The following NINL variants were observed in gnomAD, a reference collection of about 807,000 sequenced individuals.
NINL encodes the protein ninein like, also known as ninein-like protein.
In NINL, 153 loss-of-function variants were observed where a neutral mutation model predicts 160.3. The ratio of observed to expected loss-of-function variants is 0.95; its 90% CI spans 0.84 to 1.09. The LOEUF (loss-of-function observed/expected upper bound fraction) is 1.09, where lower values mean the gene tolerates loss of function less well. NINL is among the 50% of genes least tolerant of loss of function. NINL has a pLI of 0.00. For missense variants in NINL, 1,829 were observed against 1,764.0 expected, an observed-to-expected ratio of 1.04 and a Z score of -0.66; for synonymous variants, 800 against 734.8, an observed-to-expected ratio of 1.09 and a Z score of -1.43.
At chr20:25,533,284 C>T (rs921424046) in intron 1 of NINL, among the ~76,000 whole-genome samples, 1 of 151,968 alleles carries the variant, frequency 6.6e-6, no homozygotes, top group African/African-American at 2.4e-5. Flanking sequence ...GGGCTGAGCC[C>T]AAAACACACA....
intron 1 of NINL, among the ~76,000 whole-genome samples, chr20:25,545,743 A>T (rs59444992): frequency 0.021 from 3,227 of 152,302 alleles, 103 homozygotes; most frequent in African/African-American, 0.073. Context: ...GTACTTTACT[A>T]CAAACTATAT....
At chr20:25,477,926 CTTTT>C (rs34667640) in intron 16 of NINL, among the ~76,000 whole-genome samples, 2 of 143,158 alleles carry the variant, frequency 1.4e-5, no homozygotes, top group African/African-American at 5.2e-5. Context: ...GGACAGACGA[CTTTT>C]TTTTTTTTTT....
At chr20:25,502,869 G>A (rs2063895014) in intron 7 of NINL, among the ~76,000 whole-genome samples, 1 of 152,178 alleles carries the variant, frequency 6.6e-6, no homozygotes, top group African/African-American at 2.4e-5. Flanking sequence ...CATGCTTCCT[G>A]CACAGCCTGC....
intron 1 of NINL, among the ~76,000 whole-genome samples, chr20:25,545,925 C>T (rs1355078319): frequency 1.3e-5 from 2 of 152,108 alleles, no homozygotes; most frequent in African/African-American, 2.4e-5. Context: ...TCTGGAGGCT[C>T]CCTAAGTATA....
chr20:25,475,299 G>A (rs1305217209), intron 17 of NINL, among the ~76,000 whole-genome samples: 2 of 151,690 alleles, frequency 1.3e-5, no homozygotes. Context: ...AAGCCCAGGA[G>A]CTGATGGCTT....
intron 1 of NINL, among the ~76,000 whole-genome samples, chr20:25,528,822 AAAC>A (rs2064401538): frequency 6.6e-6 from 1 of 152,228 alleles, no homozygotes; most frequent in African/African-American, 2.4e-5. Context: ...AAATATAAGG[AAAC>A]AACAACATGA....
chr20:25,493,056 C>T (rs1229279360), intron 10 of NINL, among the ~76,000 whole-genome samples: 2 of 152,178 alleles, frequency 1.3e-5, no homozygotes, highest in East Asian at 3.8e-4. Flanking sequence ...ATCCCTCCAC[C>T]AGGTTCCAGG....
chr20:25,584,814 A>G (rs576496373), intron 1 of NINL, among the ~76,000 whole-genome samples: 1 of 152,344 alleles, frequency 6.6e-6, no homozygotes, highest in Admixed American at 6.5e-5. Flanking sequence ...ATCGATGATT[A>G]TGAACCCAAC....
intron 1 of NINL, among the ~76,000 whole-genome samples, chr20:25,541,832 C>T: frequency 6.6e-6 from 1 of 152,298 alleles, no homozygotes; most frequent in East Asian, 1.9e-4. Context: ...GCAGCTACCA[C>T]TGTAATAGCT....
chr20:25,565,600 G>A (rs1568969914), intron 1 of NINL, among the ~76,000 whole-genome samples: 1 of 152,132 alleles, frequency 6.6e-6, no homozygotes, highest in East Asian at 1.9e-4. Flanking sequence ...ACAATGGAGG[G>A]GCAAGATAAA....
intron 13 of NINL, among the ~76,000 whole-genome samples, chr20:25,484,718 G>A (rs1016013140): frequency 3.9e-5 from 6 of 152,180 alleles, no homozygotes; most frequent in Non-Finnish European, 8.8e-5. Context: ...AGATGTGGAG[G>A]GGCTGCTAAG....
intron 1 of NINL, among the ~76,000 whole-genome samples, chr20:25,528,143 C>A (rs2064390485): frequency 6.6e-6 from 1 of 152,136 alleles, no homozygotes; most frequent in Non-Finnish European, 1.5e-5. Flanking sequence ...GATCCTCTTG[C>A]CTCAGCCTCT....
At position 25,533,886 on chromosome 20, in the gene NINL, A is replaced by G. The variant is rs144388611; in HGVS notation, c.-11-7288T>C. On this transcript the variant is annotated intron_variant, in intron 1 of 23. Transcript: ENST00000278886. ...AATAGTGTAATAGTTTTATAAACAGAGAGAAAGCTTCATGATGTTGGATTT... is the reference window on the plus strand; with the variant it reads ...AATAGTGTAATAGTTTTATAAACAGGGAGAAAGCTTCATGATGTTGGATTT... 1.3e-3 allele frequency among the ~76,000 whole-genome samples: 204 copies of G among 152,356 alleles called. 3 individuals are homozygous for G. The highest frequency in any genetic ancestry group is 1.5e-3 in the East Asian group (8 of 5,196).
At chr20:25,469,236 CCT>C (rs1272300221) in intron 18 of NINL, among the ~76,000 whole-genome samples, 4 of 96,912 alleles carry the variant, frequency 4.1e-5, no homozygotes, top group Non-Finnish European at 6.5e-5. Flanking sequence ...GCCCTGTCCC[CCT>C]GACTCTCATT....
intron 1 of NINL, among the ~76,000 whole-genome samples, chr20:25,530,695 G>A (rs577321871): frequency 2.0e-5 from 3 of 152,218 alleles, no homozygotes; most frequent in South Asian, 2.1e-4. Context: ...TGCCCCCCAA[G>A]CTGCAAAACC....
At chr20:25,472,324 G>GATATATATATATATATATATAT (rs56260321) in intron 17 of NINL, among the ~76,000 whole-genome samples, 1 of 83,956 alleles carries the variant, frequency 1.2e-5, no homozygotes, top group Non-Finnish European at 2.4e-5. Context: ...GGGAGGAGAG[G>GATATATATATATATATATATAT]ATATATATAT....
rs2063261930 is a variant in NINL, at chr20:25,476,815, TCTCTGCTTCCAGGGAGGGCCCGTCCA to T, written c.2450_2475del (p.Val817AspfsTer40). 1 of 1,613,158 alleles carries T rather than the reference TCTCTGCTTCCAGGGAGGGCCCGTCCA, an allele frequency of 6.2e-7. No homozygotes were observed. The highest frequency in any genetic ancestry group is 8.5e-7 in the Non-Finnish European group (1 of 1,179,926). ...AGCCCATCTTTCGGCAGGGCCTGCA[TCTCTGCTTCCAGGGAGGGCCCGTCCA>T]CTCGCTTCCCGCGGGCAAGCTCCAA... On this transcript the variant is annotated frameshift_variant, in exon 17 of 24. Transcript: ENST00000278886. LOFTEE classifies it high-confidence loss of function.
chr20:25,547,204 A>T (rs2064745040), intron 1 of NINL, among the ~76,000 whole-genome samples: 1 of 152,158 alleles, frequency 6.6e-6, no homozygotes, highest in South Asian at 2.1e-4. Context: ...CTAGGAGGAA[A>T]GGGGCTGGTT....
chr20:25,571,389 A>G (rs1417061238), intron 1 of NINL, among the ~76,000 whole-genome samples: 1 of 151,826 alleles, frequency 6.6e-6, no homozygotes, highest in Non-Finnish European at 1.5e-5. Context: ...GCCAGCCCAG[A>G]CCCTCCAGCA....
Sources: allele counts gnomAD v4.1 joint callset (sites outside exome capture counted in the v4.1 genomes callset), GRCh38; gene constraint gnomAD v4.1.1; transcripts MANE v1.5; gene names NCBI Gene and HGNC (gene_info 2026-07-23, HGNC 2026-07-21).